Variants in SULF2 observed in about 807,000 individuals in gnomAD.
The protein encoded by SULF2 is sulfatase 2.
Under a neutral mutation model 107.7 loss-of-function variants are expected in SULF2, and 52 were observed. That is an observed-to-expected ratio of 0.48 (90% CI 0.39 to 0.61). SULF2 has a LOEUF of 0.61. Ranked by LOEUF, SULF2 falls within the 20% of genes least tolerant of loss-of-function variation. The probability of loss-of-function intolerance (pLI) is 0.00; values close to 1 mark genes in which losing one functional copy is unlikely to be tolerated. For missense variants in SULF2, 993 were observed against 1,177.3 expected, an observed-to-expected ratio of 0.84 and a Z score of 2.29; for synonymous variants, 460 against 464.3, an observed-to-expected ratio of 0.99 and a Z score of 0.12.
intron 17 of SULF2, among the ~76,000 whole-genome samples, chr20:47,662,607 GTGTGGTCCTGGGC>G (rs2087113307): frequency 1.3e-5 from 2 of 152,300 alleles, no homozygotes; most frequent in South Asian, 4.1e-4. Context: ...TTTTGGTCTT[GTGTGGTCCTGGGC>G]CACTTCAGTC....
At chr20:47,725,086 C>A (rs1231595567) in intron 3 of SULF2, among the ~76,000 whole-genome samples, 1 of 152,176 alleles carries the variant, frequency 6.6e-6, no homozygotes, top group East Asian at 1.9e-4. Flanking sequence ...CAGACGCCTG[C>A]ACCTAGACAC....
chr20:47,735,737 A>C (rs2089712691), intron 3 of SULF2, among the ~76,000 whole-genome samples: 1 of 152,190 alleles, frequency 6.6e-6, no homozygotes, highest in Admixed American at 6.5e-5. Flanking sequence ...GGCTGTAAGA[A>C]GACACACCTT....
chr20:47,740,679 T>C (rs1190250642), intron 2 of SULF2, among the ~76,000 whole-genome samples: 1 of 152,138 alleles, frequency 6.6e-6, no homozygotes, highest in Non-Finnish European at 1.5e-5. Context: ...AGCCGATTTT[T>C]AAAAAGTAAA....
chr20:47,695,698 C>G (rs930256670), intron 4 of SULF2, among the ~76,000 whole-genome samples: 1 of 152,234 alleles, frequency 6.6e-6, no homozygotes, highest in Non-Finnish European at 1.5e-5. Context: ...ACTGCAGCCT[C>G]TGCCTCCTGG....
chr20:47,747,018 TACAC>T (rs58378160), intron 2 of SULF2, among the ~76,000 whole-genome samples: 1 of 75,118 alleles, frequency 1.3e-5, no homozygotes. Context: ...TATATATATA[TACAC>T]ACACACACAC....
At chr20:47,740,612 C>T (rs1568884922) in intron 2 of SULF2, among the ~76,000 whole-genome samples, 1 of 151,800 alleles carries the variant, frequency 6.6e-6, no homozygotes, top group Non-Finnish European at 1.5e-5. Context: ...GTAACCTTAG[C>T]TTTTCCTTTA....
At chr20:47,743,356 T>G (rs187707459) in intron 2 of SULF2, among the ~76,000 whole-genome samples, 4,381 of 152,122 alleles carry the variant, frequency 0.029, 124 homozygotes, top group Middle Eastern at 0.071. Context: ...GTACCCAGGC[T>G]GGAGTGCAGT....
In SULF2 at chr20:47,743,975, T is replaced by C. The variant is rs1226114782; in HGVS notation, c.176-7033A>G. 2.0e-5 allele frequency among the ~76,000 whole-genome samples: 3 copies of C among 152,210 alleles called. No homozygotes were observed. In the East Asian group the frequency reaches 5.8e-4, roughly 29 times the overall value. The stretch of plus-strand genomic sequence containing the variant: ...CTCTGGACTGTGCTGATTAGAATCA[T>C]GCCCTCCCCTTCCTTCTTGCCTTTT... On this transcript the variant is annotated intron_variant, in intron 2 of 20. Transcript: ENST00000688720.
At chr20:47,667,843 G>C (rs543928897) in intron 11 of SULF2, among the ~76,000 whole-genome samples, 1 of 152,328 alleles carries the variant, frequency 6.6e-6, no homozygotes, top group African/African-American at 2.4e-5. Context: ...TGGAAGGAGG[G>C]AGGAAAGGGC....
intron 1 of SULF2, among the ~76,000 whole-genome samples, chr20:47,770,753 C>T (rs114306453): frequency 0.02 from 2,980 of 152,226 alleles, 112 homozygotes; most frequent in African/African-American, 0.069. Context: ...TGCTGGCAGT[C>T]GGTTGGGAGC....
intron 9 of SULF2, 127 bp from the exon 10 acceptor site, chr20:47,676,750 GC>G: frequency 8.7e-7 from 1 of 1,153,556 alleles, no homozygotes; most frequent in Non-Finnish European, 1.2e-6. Context: ...AGGGCGCAGG[GC>G]CACCTGCCCG....
chr20:47,762,484 CAG>C (rs1264683182), intron 1 of SULF2, among the ~76,000 whole-genome samples: 1 of 152,242 alleles, frequency 6.6e-6, no homozygotes, highest in African/African-American at 2.4e-5. Flanking sequence ...AGCTGAGGCA[CAG>C]AGAGTTAAAA....
At chr20:47,672,088 C>T in intron 11 of SULF2, 110 bp downstream of exon 11, 3 of 1,213,286 alleles carry the variant, frequency 2.5e-6, no homozygotes, top group Non-Finnish European at 3.5e-6. Flanking sequence ...GCCCCTAGAT[C>T]ACCACCTGGC....
At chr20:47,731,182 CTTCTCT>C (rs1299402875) in intron 3 of SULF2, among the ~76,000 whole-genome samples, 15 of 99,596 alleles carry the variant, frequency 1.5e-4, no homozygotes, top group South Asian at 3.4e-4. Flanking sequence ...TCACCTGTAT[CTTCTCT>C]TTTTTTTTTT....
At chr20:47,781,036 G>C (rs1186587483) in intron 1 of SULF2, among the ~76,000 whole-genome samples, 1 of 152,222 alleles carries the variant, frequency 6.6e-6, no homozygotes, top group Non-Finnish European at 1.5e-5. Flanking sequence ...TCTGGTCTTT[G>C]CCTTTTTAAA....
rs1389303304 is a variant in SULF2, at chr20:47,763,033, CTTGT to C, written c.-100-5574_-100-5571del. On this transcript the variant is annotated intron_variant, in intron 1 of 20. Transcript: ENST00000688720. The stretch of plus-strand genomic sequence containing the variant: ...TTAAAGATGACACAAGGGATTCTGC[CTTGT>C]TTTTTTTCCTTTTTCTTGGTAAAAT... 2.6e-5 allele frequency among the ~76,000 whole-genome samples: 4 copies of C among 152,326 alleles called. No homozygotes were observed. In the East Asian group the frequency reaches 7.7e-4, roughly 29 times the overall value.
At chr20:47,781,428 T>G (rs2090831873) in intron 1 of SULF2, among the ~76,000 whole-genome samples, 1 of 152,258 alleles carries the variant, frequency 6.6e-6, no homozygotes, top group Non-Finnish European at 1.5e-5. Flanking sequence ...CCTGTGAGCC[T>G]GGCTTAAGCC....
chr20:47,763,006 A>C lies in SULF2; in HGVS notation c.-100-5543T>G, dbSNP rs117287167. 8.5e-4 allele frequency among the ~76,000 whole-genome samples: 129 copies of C among 152,332 alleles called. No individual in the cohort carries two copies. In the East Asian group the frequency reaches 0.023, roughly 28 times the overall value. Reference sequence around the variant, plus strand: ...TTTCTCTCCGGATGCTGAAGAAATCAATTAAAGATGACACAAGGGATTCTG... The same window carrying C: ...TTTCTCTCCGGATGCTGAAGAAATCCATTAAAGATGACACAAGGGATTCTG... On this transcript the variant is annotated intron_variant, in intron 1 of 20. Transcript: ENST00000688720.
chr20:47,673,384 T>C (rs1602608573), intron 10 of SULF2, among the ~76,000 whole-genome samples: 1 of 152,320 alleles, frequency 6.6e-6, no homozygotes, highest in Non-Finnish European at 1.5e-5. Context: ...CTGTCATTAC[T>C]GTGCCGATTC....
Sources: allele counts gnomAD v4.1 joint callset (sites outside exome capture counted in the v4.1 genomes callset), GRCh38; gene constraint gnomAD v4.1.1; transcripts MANE v1.5; gene names NCBI Gene and HGNC (gene_info 2026-07-23, HGNC 2026-07-21).